TFDP1: variants seen among roughly 807,000 people sequenced by gnomAD.
The protein encoded by TFDP1 is DRTF1-polypeptide 1.
Under a neutral mutation model 48.0 loss-of-function variants are expected in TFDP1, and 6 were observed. That is an observed-to-expected ratio of 0.13 (90% CI 0.07 to 0.25). The LOEUF (loss-of-function observed/expected upper bound fraction) is 0.25, where lower values mean the gene tolerates loss of function less well. TFDP1 is among the 10% of genes least tolerant of loss of function. The pLI, the probability that TFDP1 is intolerant of heterozygous loss-of-function variation, is 1.00. For synonymous variants in TFDP1, 201 were observed against 211.6 expected (o/e 0.95, Z 0.44); for missense variants, 335 against 543.0 (o/e 0.62, Z 3.81).
chr13:113,637,491 G>A, intron 10 of TFDP1: 15 of 978,608 alleles, frequency 1.5e-5, no homozygotes, highest in Non-Finnish European at 1.9e-5. Context: ...GTGGGAAGAG[G>A]GTTTCAGCTT....
intron 2 of TFDP1, among the ~76,000 whole-genome samples, chr13:113,587,558 C>T (rs2048036611): frequency 6.8e-6 from 1 of 146,770 alleles, no homozygotes. Context: ...GATCTTGGCT[C>T]ACTGCAACCT....
At chr13:113,613,256 C>T (rs1217209360) in intron 3 of TFDP1, among the ~76,000 whole-genome samples, 8 of 152,226 alleles carry the variant, frequency 5.3e-5, no homozygotes, top group Non-Finnish European at 8.8e-5. Flanking sequence ...CATCATGATC[C>T]GCCCACCTTG....
chr13:113,616,254 C>G (rs1363941492), intron 3 of TFDP1, among the ~76,000 whole-genome samples: 2 of 151,254 alleles, frequency 1.3e-5, no homozygotes, highest in Non-Finnish European at 2.9e-5. Flanking sequence ...TGAGCGTGCA[C>G]TTTCGCAGCT....
chr13:113,628,958 A>T (rs557665501), intron 4 of TFDP1, among the ~76,000 whole-genome samples: 1 of 152,308 alleles, frequency 6.6e-6, no homozygotes, highest in South Asian at 2.1e-4. Context: ...GGCCGGCCCG[A>T]GTTCACCGGC....
At chr13:113,606,701 C>T (rs896668903) in intron 2 of TFDP1, among the ~76,000 whole-genome samples, 2 of 152,198 alleles carry the variant, frequency 1.3e-5, no homozygotes, top group African/African-American at 4.8e-5. Context: ...TTCAGATGAT[C>T]TGTAAACAGA....
chr13:113,632,840 C>T (rs1453423542), intron 5 of TFDP1, among the ~76,000 whole-genome samples: 1 of 152,218 alleles, frequency 6.6e-6, no homozygotes, highest in Non-Finnish European at 1.5e-5. Flanking sequence ...CTCCCATATG[C>T]TGATTTGGGT....
At chr13:113,593,820 C>T (rs572511313) in intron 2 of TFDP1, among the ~76,000 whole-genome samples, 2 of 114,906 alleles carry the variant, frequency 1.7e-5, no homozygotes, top group East Asian at 5.8e-4. Flanking sequence ...AGGTGTCAGG[C>T]GTGATGCGTG....
chr13:113,625,104 T>C (rs1446026359), intron 4 of TFDP1, among the ~76,000 whole-genome samples: 28 of 115,008 alleles, frequency 2.4e-4, no homozygotes, highest in Admixed American at 2.6e-4. Context: ...TGTCCTCAGG[T>C]GTCTCTCACG....
intron 3 of TFDP1, among the ~76,000 whole-genome samples, chr13:113,612,372 C>T (rs1029328618): frequency 3.9e-5 from 6 of 152,246 alleles, no homozygotes; most frequent in South Asian, 2.1e-4. Context: ...ACTGGCCCTG[C>T]TCTTCTGCTG....
intron 2 of TFDP1, among the ~76,000 whole-genome samples, chr13:113,603,368 C>T (rs1208357273): frequency 6.6e-6 from 1 of 152,232 alleles, no homozygotes; most frequent in African/African-American, 2.4e-5. Context: ...GCGTTGAGGG[C>T]CCGGGCAGCG....
chr13:113,638,357 T>G (rs1320251153), intron 11 of TFDP1, among the ~76,000 whole-genome samples: 1 of 151,548 alleles, frequency 6.6e-6, no homozygotes, highest in Non-Finnish European at 1.5e-5. Context: ...GCGGTCATGG[T>G]GCATGTGTTT....
intron 3 of TFDP1, among the ~76,000 whole-genome samples, chr13:113,611,526 C>T (rs968169488): frequency 3.3e-5 from 5 of 152,154 alleles, no homozygotes; most frequent in Non-Finnish European, 5.9e-5. Flanking sequence ...TGAGGAAGAG[C>T]CGTTTTTCTT....
intron 4 of TFDP1, among the ~76,000 whole-genome samples, chr13:113,628,073 CTG>C (rs1394891203): frequency 3.9e-4 from 60 of 152,122 alleles, no homozygotes; most frequent in Non-Finnish European, 1.0e-4. Flanking sequence ...AGTCGAAAGA[CTG>C]TGTCTGAAGC....
chr13:113,625,913 GTCTCTCACGTGTCCTCAGGTGT>G (rs2049158449), intron 4 of TFDP1, among the ~76,000 whole-genome samples: 1 of 139,616 alleles, frequency 7.2e-6, no homozygotes, highest in African/African-American at 2.7e-5. Flanking sequence ...GTCCTCAGGT[GTCTCTCACGTGTCCTCAGGTGT>G]TTCTCAGGCG....
intron 3 of TFDP1, among the ~76,000 whole-genome samples, chr13:113,617,578 G>A (rs565007989): frequency 5.1e-4 from 73 of 144,366 alleles, no homozygotes; most frequent in Non-Finnish European, 6.5e-4. Context: ...CTGCAGAGCC[G>A]CTCACCTGCA....
At chr13:113,628,966 G>A (rs914513827) in intron 4 of TFDP1, among the ~76,000 whole-genome samples, 39 of 152,308 alleles carry the variant, frequency 2.6e-4, no homozygotes, top group African/African-American at 7.5e-4. Context: ...CGAGTTCACC[G>A]GCTTCCTGTG....
chr13:113,634,877 G>A (rs1447268183), intron 8 of TFDP1, among the ~76,000 whole-genome samples: 1 of 151,458 alleles, frequency 6.6e-6, no homozygotes, highest in Non-Finnish European at 1.5e-5. Context: ...GTGCCTGTGT[G>A]CGTGTGCATG....
intron 2 of TFDP1, among the ~76,000 whole-genome samples, chr13:113,593,753 G>A: frequency 6.8e-6 from 1 of 148,050 alleles, no homozygotes; most frequent in South Asian, 2.2e-4. Flanking sequence ...GGTGTGCGCG[G>A]GTCCTCAGCC....
At position 113,602,990 on chromosome 13, in the gene TFDP1, A is replaced by G. The variant is rs925890192; in HGVS notation, c.13-8006A>G. 2.0e-3 allele frequency among the ~76,000 whole-genome samples: 274 copies of G among 135,498 alleles called. 1 individual carries two copies. Among genetic ancestry groups the G allele is most frequent in the African/African-American group, 7.3e-3 (256 of 35,268 alleles). The allele number at this position is 135,498 out of a possible 152,430, so 88.9% of individuals were successfully genotyped here. A position where few individuals can be genotyped will look rare whatever the true frequency, so the allele number is the denominator to read the frequency against. ...TGAGCTAAAAAAAAAAAAAAAACGT[A>G]TAATTTACAAATTTGTGTTGGGCTG... On this transcript the variant is annotated intron_variant, in intron 2 of 11. Transcript: ENST00000375370.
Sources: gnomAD v4.1 joint callset for allele counts (sites outside exome capture counted in the v4.1 genomes callset) on GRCh38, gnomAD v4.1.1 for gene constraint, MANE v1.5 for transcripts, NCBI Gene and HGNC (gene_info 2026-07-23, HGNC 2026-07-21) for gene names.